Variants in RASEF observed in about 807,000 individuals in gnomAD.
RASEF encodes the protein ras and EF-hand domain-containing protein.
A neutral mutation model predicts 90.1 loss-of-function variants in RASEF; 68 were observed. The ratio of observed to expected loss-of-function variants is 0.75; its 90% CI spans 0.62 to 0.92. The LOEUF is 0.92. RASEF is among the 40% of genes least tolerant of loss of function. RASEF has a pLI of 0.00. For missense variants in RASEF, 949 were observed against 937.2 expected (o/e 1.01, Z -0.16); for synonymous variants, 331 against 345.2 (o/e 0.96, Z 0.46).
chr9:83,145,417 A>G, the RASEF span, among the ~76,000 whole-genome samples: 2 of 152,110 alleles, frequency 1.3e-5, no homozygotes, highest in African/African-American at 4.8e-5. Context: ...TAAATATTAT[A>G]TTTTCCCATT....
At chr9:83,090,185 T>G in the RASEF span, among the ~76,000 whole-genome samples, 1 of 152,200 alleles carries the variant, frequency 6.6e-6, no homozygotes, top group Admixed American at 6.5e-5. Context: ...CCAGAATTTC[T>G]ATTTTTTTAA....
At chr9:83,038,390 G>T (rs1246650105) in intron 1 of RASEF, among the ~76,000 whole-genome samples, 1 of 152,034 alleles carries the variant, frequency 6.6e-6, no homozygotes, top group Admixed American at 6.6e-5. Context: ...GATCTACACA[G>T]AAGAGTCAAC....
intron 1 of RASEF, chr9:83,048,643 C>A: frequency 2.0e-6 from 2 of 985,404 alleles, no homozygotes; most frequent in Non-Finnish European, 2.4e-6. Flanking sequence ...ATAACACAGA[C>A]GTTCCTTGTT....
chr9:83,165,663 C>G, the RASEF span, among the ~76,000 whole-genome samples: 2 of 151,990 alleles, frequency 1.3e-5, no homozygotes, highest in South Asian at 4.2e-4. Context: ...GAGCAAGAAT[C>G]AATGAAATTA....
chr9:83,066,318 T>G (rs1049298806), upstream of RASEF, among the ~76,000 whole-genome samples: 10 of 152,350 alleles, frequency 6.6e-5, no homozygotes, highest in Admixed American at 4.6e-4. Context: ...TCTACAAACG[T>G]TTACACAATT....
intron 1 of RASEF, among the ~76,000 whole-genome samples, chr9:83,031,655 G>A (rs1007826015): frequency 6.6e-6 from 1 of 152,014 alleles, no homozygotes; most frequent in Non-Finnish European, 1.5e-5. Flanking sequence ...CCTCCATTTA[G>A]GAAAATGTAA....
the RASEF span, among the ~76,000 whole-genome samples, chr9:83,082,273 A>C: frequency 1.3e-5 from 2 of 152,194 alleles, no homozygotes; most frequent in Non-Finnish European, 2.9e-5. Flanking sequence ...TAAAATGAAG[A>C]TAATTTCCTA....
intron 1 of RASEF, among the ~76,000 whole-genome samples, chr9:83,030,990 C>T (rs1036570922): frequency 6.6e-6 from 1 of 152,162 alleles, no homozygotes; most frequent in African/African-American, 2.4e-5. Flanking sequence ...TCCAATATGG[C>T]TAAGCCTCGT....
chr9:83,088,838 A>T, the RASEF span, among the ~76,000 whole-genome samples: 11 of 152,084 alleles, frequency 7.2e-5, no homozygotes, highest in African/African-American at 2.6e-4. Context: ...TCTCTTATAG[A>T]TACCATAGAG....
the RASEF span, among the ~76,000 whole-genome samples, chr9:83,195,453 T>A: frequency 1.3e-5 from 2 of 152,160 alleles, no homozygotes; most frequent in African/African-American, 4.8e-5. Flanking sequence ...GGAGGCCCAC[T>A]GTGGCCATGC....
At chr9:83,108,072 G>A in the RASEF span, among the ~76,000 whole-genome samples, 1 of 152,112 alleles carries the variant, frequency 6.6e-6, no homozygotes, top group Admixed American at 6.6e-5. Context: ...TACTTCCAGG[G>A]GTGGAGGGCA....
chr9:83,012,219 G>C (rs1190539618), intron 5 of RASEF, among the ~76,000 whole-genome samples: 1 of 152,132 alleles, frequency 6.6e-6, no homozygotes, highest in Non-Finnish European at 1.5e-5. Flanking sequence ...TTATTACTTT[G>C]TATGAAAAAT....
chr9:83,180,140 ATTAC>A, the RASEF span, among the ~76,000 whole-genome samples: 1 of 152,216 alleles, frequency 6.6e-6, no homozygotes, highest in African/African-American at 2.4e-5. Context: ...ATGCAGTTGT[ATTAC>A]TTTAAGAAAA....
chr9:83,120,422 G>C, the RASEF span, among the ~76,000 whole-genome samples: 1 of 152,120 alleles, frequency 6.6e-6, no homozygotes, highest in Non-Finnish European at 1.5e-5. Flanking sequence ...CTTCTTCCAA[G>C]ACAGGTGTCA....
chr9:83,205,578 C>A, the RASEF span, among the ~76,000 whole-genome samples: 3 of 152,114 alleles, frequency 2.0e-5, no homozygotes, highest in African/African-American at 7.2e-5. Flanking sequence ...ACTGACTCCA[C>A]CAAGACAATC....
At chr9:83,119,338 A>G in the RASEF span, among the ~76,000 whole-genome samples, 1 of 152,068 alleles carries the variant, frequency 6.6e-6, no homozygotes, top group East Asian at 1.9e-4. Context: ...TCAATTTTAA[A>G]AGGCTGAAAC....
the RASEF span, among the ~76,000 whole-genome samples, chr9:83,201,418 T>C: frequency 6.6e-6 from 1 of 152,216 alleles, no homozygotes; most frequent in Non-Finnish European, 1.5e-5. Context: ...AGTTCGGATA[T>C]TCTCTTGGAA....
the RASEF span, among the ~76,000 whole-genome samples, chr9:83,103,235 AT>A: frequency 6.6e-6 from 1 of 152,200 alleles, no homozygotes; most frequent in Non-Finnish European, 1.5e-5. Flanking sequence ...GTCCCTGAGA[AT>A]ATCATTTAGC....
intron 12 of RASEF, 147 bp downstream of exon 12, chr9:83,000,022 C>A (rs1173141749): frequency 2.2e-6 from 1 of 460,606 alleles, no homozygotes; most frequent in Non-Finnish European, 3.7e-6. Flanking sequence ...CACACACACA[C>A]ACACACACAC....
Sources: gnomAD v4.1 joint callset for allele counts (sites outside exome capture counted in the v4.1 genomes callset) on GRCh38, gnomAD v4.1.1 for gene constraint, MANE v1.5 for transcripts, NCBI Gene and HGNC (gene_info 2026-07-23, HGNC 2026-07-21) for gene names.